Variants in CTTNBP2NL observed in about 807,000 individuals in gnomAD.
The protein encoded by CTTNBP2NL is CTTNBP2 N-terminal like.
CTTNBP2NL carries 16 observed loss-of-function variants against 32.5 expected under a neutral mutation model. That is an observed-to-expected ratio of 0.49 (90% CI 0.33 to 0.75). The LOEUF is 0.75. Among genes scored for constraint, CTTNBP2NL ranks in the 30% least tolerant of loss-of-function variants. The pLI is 0.02. For missense variants in CTTNBP2NL, 645 were observed against 756.0 expected (o/e 0.85, Z 1.72); for synonymous variants, 298 against 289.4 (o/e 1.03, Z -0.30).
intron 4 of CTTNBP2NL, among the ~76,000 whole-genome samples, chr1:112,449,472 C>T (rs1777616): frequency 0.07 from 10,573 of 150,982 alleles, 1,148 homozygotes; most frequent in African/African-American, 0.24. Context: ...TGGGGTTTGG[C>T]CAAGCTTGTA....
chr1:112,403,908 A>G (rs1648580410), intron 1 of CTTNBP2NL, among the ~76,000 whole-genome samples: 1 of 152,234 alleles, frequency 6.6e-6, no homozygotes, highest in Non-Finnish European at 1.5e-5. Flanking sequence ...AGACACGTGA[A>G]TGATAGACAA....
chr1:112,435,357 G>A (rs1016650867), intron 3 of CTTNBP2NL, among the ~76,000 whole-genome samples: 1 of 151,934 alleles, frequency 6.6e-6, no homozygotes, highest in African/African-American at 2.4e-5. Context: ...AAGCTCCTCA[G>A]GGGGCAGGTC....
At chr1:112,439,745 C>A in intron 3 of CTTNBP2NL, among the ~76,000 whole-genome samples, 1 of 152,060 alleles carries the variant, frequency 6.6e-6, no homozygotes, top group East Asian at 1.9e-4. Context: ...GTTGTGTGGG[C>A]CCCCTACCCG....
At chr1:112,453,898 C>G (rs1051019844) in intron 4 of CTTNBP2NL, among the ~76,000 whole-genome samples, 1 of 152,154 alleles carries the variant, frequency 6.6e-6, no homozygotes, top group African/African-American at 2.4e-5. Flanking sequence ...TTTTTACATG[C>G]AGTAGGAAGT....
chr1:112,454,499 T>A lies in CTTNBP2NL; in HGVS notation c.381T>A (p.Ala127=). 1 of 1,614,140 alleles carries A rather than the reference T, an allele frequency of 6.2e-7. No homozygotes were observed. Among genetic ancestry groups the A allele is most frequent in the Non-Finnish European group, 8.5e-7 (1 of 1,179,972 alleles). ...EERQRHAQDT[A]EGDDVTYMLE... ...GGCAGCGGCATGCACAGGATACGGCTGAAGGAGATGATGTCACCTACATGC... is the reference window on the plus strand; with the variant it reads ...GGCAGCGGCATGCACAGGATACGGCAGAAGGAGATGATGTCACCTACATGC... Residue 127 remains alanine, a synonymous_variant, in exon 5 of 6, where the codon GCT becomes GCA. Coordinates refer to ENST00000271277, the MANE Select transcript of CTTNBP2NL (RefSeq NM_018704.3).
chr1:112,459,065 A>T lies in CTTNBP2NL; in HGVS notation c.*1653A>T, dbSNP rs1650467345. On this transcript the variant is annotated 3_prime_UTR_variant, in exon 6 of 6. Coordinates refer to ENST00000271277, the MANE Select transcript of CTTNBP2NL (RefSeq NM_018704.3). The stretch of plus-strand genomic sequence containing the variant: ...TGAAATCCAAATTTTCATGAGAAAC[A>T]TTCTCATTTTTAAATATCAAGAAGT... 1 of 152,244 alleles carries T rather than the reference A, an allele frequency of 6.6e-6. No homozygotes were observed. Among genetic ancestry groups the T allele is most frequent in the African/African-American group, 2.4e-5 (1 of 41,462 alleles). 9.4% of individuals were successfully genotyped at this position (152,244 alleles called of 1,614,324 possible). A position where few individuals can be genotyped will look rare whatever the true frequency, so the allele number is the denominator to read the frequency against.
rs1343729683 is a variant in CTTNBP2NL, at chr1:112,453,817, G to A, written c.331-632G>A. ...TTAATCCTTTGGCACCAGGGTAAGT[G>A]AAATAGGGGTAGGCAAGTTAAATAA... is the stretch of plus-strand genomic sequence containing the variant. On this transcript the variant is annotated intron_variant, in intron 4 of 5. Transcript: ENST00000271277. Among the ~76,000 whole-genome samples, 5 of 152,236 alleles carry A rather than the reference G, an allele frequency of 3.3e-5. No homozygotes were observed. The South Asian group carries it at 1.0e-3, about 32-fold the overall frequency.
intron 3 of CTTNBP2NL, among the ~76,000 whole-genome samples, chr1:112,424,774 A>G (rs781610178): frequency 2.0e-5 from 3 of 151,814 alleles, no homozygotes; most frequent in Non-Finnish European, 4.4e-5. Flanking sequence ...CACACTTTTG[A>G]TGATACTGTA....
chr1:112,449,637 T>C (rs1004129632), intron 4 of CTTNBP2NL, among the ~76,000 whole-genome samples: 7 of 152,130 alleles, frequency 4.6e-5, no homozygotes, highest in Non-Finnish European at 7.3e-5. Flanking sequence ...TTATTCCTAG[T>C]TTTGAGTTTC....
intron 3 of CTTNBP2NL, among the ~76,000 whole-genome samples, chr1:112,418,242 T>C (rs1440471834): frequency 6.6e-6 from 1 of 152,172 alleles, no homozygotes; most frequent in African/African-American, 2.4e-5. Flanking sequence ...CCATAGGCTG[T>C]AAGTTGACCT....
intron 4 of CTTNBP2NL, among the ~76,000 whole-genome samples, chr1:112,452,151 A>G (rs1206061748): frequency 1.3e-5 from 2 of 152,000 alleles, no homozygotes; most frequent in Non-Finnish European, 2.9e-5. Context: ...GAAATGTGCC[A>G]AATTTTTTTT....
intron 3 of CTTNBP2NL, among the ~76,000 whole-genome samples, chr1:112,431,329 A>G (rs1450856596): frequency 6.6e-6 from 1 of 152,242 alleles, no homozygotes; most frequent in Non-Finnish European, 1.5e-5. Flanking sequence ...AGTTGTCCCC[A>G]TAAAGAGAAG....
intron 3 of CTTNBP2NL, among the ~76,000 whole-genome samples, chr1:112,418,664 A>G (rs989526637): frequency 1.3e-5 from 2 of 152,128 alleles, no homozygotes; most frequent in Non-Finnish European, 2.9e-5. Context: ...ATGAAAGCAA[A>G]TTACATTGCT....
chr1:112,431,108 C>T lies in CTTNBP2NL; in HGVS notation c.99+14844C>T, dbSNP rs563851826. ...GAAAGGGGAAATTCAGTTTATAAAACAGTACCTATTTAGAGAACATACAGT... is the reference window on the plus strand; with the variant it reads ...GAAAGGGGAAATTCAGTTTATAAAATAGTACCTATTTAGAGAACATACAGT... On this transcript the variant is annotated intron_variant, in intron 3 of 5. Coordinates refer to ENST00000271277, the MANE Select transcript of CTTNBP2NL (RefSeq NM_018704.3). 2.0e-5 allele frequency among the ~76,000 whole-genome samples: 3 copies of T among 152,312 alleles called. No homozygotes were observed. In the East Asian group the frequency reaches 5.8e-4, roughly 29 times the overall value.
At chr1:112,434,220 C>T (rs1217235594) in intron 3 of CTTNBP2NL, among the ~76,000 whole-genome samples, 2 of 152,128 alleles carry the variant, frequency 1.3e-5, no homozygotes, top group African/African-American at 2.4e-5. Context: ...ATTTGTTATT[C>T]TCTTATACCT....
chr1:112,406,432 C>T (rs1648670708), intron 1 of CTTNBP2NL, among the ~76,000 whole-genome samples: 1 of 152,184 alleles, frequency 6.6e-6, no homozygotes, highest in Admixed American at 6.5e-5. Flanking sequence ...CCTGGGTTCA[C>T]ATCCCATTTC....
intron 3 of CTTNBP2NL, among the ~76,000 whole-genome samples, chr1:112,447,614 G>A (rs1160103968): frequency 6.6e-6 from 1 of 151,720 alleles, no homozygotes; most frequent in Non-Finnish European, 1.5e-5. Flanking sequence ...TGAAGAAGAA[G>A]TCTTCAGATT....
intron 3 of CTTNBP2NL, among the ~76,000 whole-genome samples, chr1:112,442,157 ACT>A (rs1649913367): frequency 6.6e-6 from 1 of 152,070 alleles, no homozygotes; most frequent in Admixed American, 6.6e-5. Flanking sequence ...ACAGTGTCTC[ACT>A]CTGTCACCCA....
intron 3 of CTTNBP2NL, among the ~76,000 whole-genome samples, chr1:112,421,030 A>G (rs543502421): frequency 1.3e-3 from 204 of 152,324 alleles, no homozygotes; most frequent in Middle Eastern, 6.8e-3. Context: ...CAAATGAGAT[A>G]GCAAATGCTA....
Sources: allele counts gnomAD v4.1 joint callset (sites outside exome capture counted in the v4.1 genomes callset), GRCh38; gene constraint gnomAD v4.1.1; transcripts MANE v1.5; gene names NCBI Gene and HGNC (gene_info 2026-07-23, HGNC 2026-07-21).